PCARE: variants seen among roughly 807,000 people sequenced by gnomAD.
PCARE encodes uncharacterized protein C2orf71.
Under a neutral mutation model 82.2 loss-of-function variants are expected in PCARE, and 72 were observed. That is an observed-to-expected ratio of 0.88 (90% CI 0.72 to 1.07). The LOEUF (loss-of-function observed/expected upper bound fraction) is 1.07, where lower values mean the gene tolerates loss of function less well. PCARE is among the 50% of genes least tolerant of loss of function. The probability of loss-of-function intolerance (pLI) is 0.00; values close to 1 mark genes in which losing one functional copy is unlikely to be tolerated. For missense variants in PCARE, 1,768 were observed against 1,592.4 expected (o/e 1.11, Z -1.88); for synonymous variants, 705 against 634.8 (o/e 1.11, Z -1.66).
Position 29,072,296 on chromosome 2 carries a change from T to C in PCARE, c.1966A>G (p.Arg656Gly). 1 of 1,614,226 alleles carries C rather than the reference T, an allele frequency of 6.2e-7. No homozygotes were observed. Among genetic ancestry groups the C allele is most frequent in the African/African-American group, 1.3e-5 (1 of 75,072 alleles). ...CTGGTGGTGTTGCTTGGACTGACCC[T>C]GCAGGTGCCATTGGGCCACACGGCG... is the stretch of plus-strand genomic sequence containing the variant. ...AAAVWPNGTC[R>G]VSPSNTTSRL... Residue 656 changes from arginine to glycine, a missense_variant, in exon 1 of 2, where the codon AGG becomes GGG. Arg to Gly is a moderately radical substitution (Grantham distance 125). Coordinates refer to ENST00000331664, the MANE Select transcript of PCARE (RefSeq NM_001029883.3).
rs1421911155 is a variant in PCARE at position 29,071,654 on chromosome 2, C to G, written c.2608G>C (p.Ala870Pro). 2 of 1,613,880 alleles carry G rather than the reference C, an allele frequency of 1.2e-6. No individual in the cohort carries two copies. The highest frequency in any genetic ancestry group is 2.2e-5 in the East Asian group (1 of 44,882). Residue 870 changes from alanine to proline, a missense_variant, in exon 1 of 2, where the codon GCT becomes CCT. Physicochemically the swap from Ala to Pro is conservative, Grantham distance 27. Coordinates refer to ENST00000331664, the MANE Select transcript of PCARE (RefSeq NM_001029883.3). ...GCCCATGTTCTCCTGGTGGGGCCAG[C>G]CTCTCCCGGCCCTGGCTCCTGGGTT... is the stretch of plus-strand genomic sequence containing the variant. ...KETQEPGPGEAGPTRRTWASP... is the reference protein window; with the variant it reads ...KETQEPGPGEPGPTRRTWASP...
chr2:29,071,916 T>C lies in PCARE; in HGVS notation c.2346A>G (p.Gln782=), dbSNP rs181545106. Residue 782 remains glutamine (Q), a synonymous_variant, in exon 1 of 2, where the codon CAA becomes CAG. Transcript: ENST00000331664. ...TGLAPLYPKP[Q]ISPASGRESL... ...ATTCTCTGCCTGATGCTGGAGAAAT[T>C]TGGGGCTTCGGATACAAAGGGGCAA... 1.2e-5 allele frequency: 19 copies of C among 1,614,170 alleles called. No individual in the cohort carries two copies. The Admixed American group carries it at 2.0e-4, about 17-fold the overall frequency.
Position 29,072,325 on chromosome 2 carries a change from G to A in PCARE, c.1937C>T (p.Ala646Val). 6.2e-7 allele frequency: 1 copy of A among 1,614,134 alleles called. No homozygotes were observed. Among genetic ancestry groups the A allele is most frequent in the African/African-American group, 1.3e-5 (1 of 75,070 alleles). ...QSQEQILQPRAAAVWPNGTCR... is the reference protein window; with the variant it reads ...QSQEQILQPRVAAVWPNGTCR... ...GGTGCCATTGGGCCACACGGCGGCT[G>A]CTCTGGGCTGCAGAATTTGCTCCTG... Residue 646 changes from alanine to valine, a missense_variant, in exon 1 of 2, where the codon GCA (alanine) becomes GTA (valine). Transcript: ENST00000331664.
chr2:29,069,939 G>A (rs554268085), intron 1 of PCARE, among the ~76,000 whole-genome samples: 1 of 151,998 alleles, frequency 6.6e-6, no homozygotes. Flanking sequence ...GGTCTCCTGC[G>A]GGGAACCAGA....
At position 29,073,139 on chromosome 2, in the gene PCARE, G is replaced by T; in HGVS notation, c.1123C>A (p.Pro375Thr). 2 of 1,614,124 alleles carry T rather than the reference G, an allele frequency of 1.2e-6. No homozygotes were observed. Among genetic ancestry groups the T allele is most frequent in the Non-Finnish European group, 1.7e-6 (2 of 1,180,032 alleles). The change falls in exon 1 of 2, where the codon CCA becomes ACA. Residue 375 changes from proline (P) to threonine (T), a missense_variant. Physicochemically the swap from Pro to Thr is conservative, Grantham distance 38. Coordinates refer to ENST00000331664, the MANE Select transcript of PCARE (RefSeq NM_001029883.3). ...ACCGACTTCCATTCTTCGGGCTCTGGTGCAAGGTCCCAGCTGGTTTGCTTG... is the reference window on the plus strand; with the variant it reads ...ACCGACTTCCATTCTTCGGGCTCTGTTGCAAGGTCCCAGCTGGTTTGCTTG... ...LGKQTSWDLA[P>T]EPEEWKSVTS...
At position 29,072,694 on chromosome 2, in the gene PCARE, C is replaced by G; in HGVS notation, c.1568G>C (p.Ser523Thr). Residue 523 changes from serine to threonine, a missense_variant, in exon 1 of 2, where the codon AGC becomes ACC. Coordinates refer to ENST00000331664, the MANE Select transcript of PCARE (RefSeq NM_001029883.3). ...RPQSSPADRE[S>T]PFQARTRRLR... ...CCTCCTGGTGCGGGCCTGAAATGGG[C>G]TTTCCCGGTCAGCAGGTGAAGATTG... 6.2e-7 allele frequency: 1 copy of G among 1,614,108 alleles called. No homozygotes were observed.
chr2:29,069,296 A>C (rs1274759360), intron 1 of PCARE, among the ~76,000 whole-genome samples: 1 of 152,238 alleles, frequency 6.6e-6, no homozygotes, highest in East Asian at 1.9e-4. Flanking sequence ...GTCAACCCAA[A>C]TGCCCATCAA....
intron 1 of PCARE, among the ~76,000 whole-genome samples, chr2:29,070,102 T>TGA (rs994435943): frequency 1.1e-4 from 16 of 142,634 alleles, no homozygotes; most frequent in African/African-American, 3.7e-4. Context: ...TTTATTTTTT[T>TGA]GAGATATATA....
At position 29,071,448 on chromosome 2, in the gene PCARE, A is replaced by G. The variant is rs745308360; in HGVS notation, c.2814T>C (p.Gly938=). The change falls in exon 1 of 2, where the codon GGT becomes GGC. Residue 938 remains glycine (G), a synonymous_variant. Transcript: ENST00000331664. ...PATSQSPEVK[G]GTWSQAEKAT... is the part of the protein sequence containing the mutation. ...CCTTCTCTGCCTGACTCCAAGTCCC[A>G]CCCTTCACCTCGGGGCTTTGGCTGG... 2.5e-6 allele frequency: 4 copies of G among 1,612,782 alleles called. No homozygotes were observed. The South Asian group carries it at 4.4e-5, about 18-fold the overall frequency.
chr2:29,065,060 C>CT lies in PCARE; in HGVS notation c.3675_3676insA (p.Glu1226ArgfsTer5). 2 of 1,549,664 alleles carry CT rather than the reference C, an allele frequency of 1.3e-6. No homozygotes were observed. Among genetic ancestry groups the CT allele is most frequent in the African/African-American group, 1.4e-5 (1 of 72,960 alleles). On this transcript the variant is annotated frameshift_variant, in exon 2 of 2. Transcript: ENST00000331664. LOFTEE classifies it low-confidence loss of function (END_TRUNC). ...TCTGTGTCCTTCTTAGGGCTCTCCT[C>CT]GCTGCTGCTGCCGAGAGAAAGGACA...
chr2:29,073,507 G>T lies in PCARE; in HGVS notation c.755C>A (p.Ala252Asp), dbSNP rs77003681. The T allele has an allele frequency of 4.7e-3, 7,544 of 1,614,164 alleles. 122 individuals carry two copies. In the African/African-American group the frequency reaches 0.048, roughly 10 times the overall value. ...GGGCTCTCTTTTCTTCAAAGGCCAA[G>T]CCAGATCCTCCCTGACTTCCTGCAG... The part of the protein sequence containing the change: ...VLLQEVREDL[A>D]WPLKKREPQE... The change falls in exon 1 of 2, where the codon GCT (alanine) becomes GAT (aspartate). Residue 252 changes from alanine (A) to aspartate (D), a missense_variant. Ala to Asp is a moderately radical substitution (Grantham distance 126). Coordinates refer to ENST00000331664, the MANE Select transcript of PCARE (RefSeq NM_001029883.3).
chr2:29,070,537 C>T, intron 1 of PCARE, 57 bp downstream of exon 1: 1 of 1,608,972 alleles, frequency 6.2e-7, no homozygotes, highest in Non-Finnish European at 8.5e-7. Context: ...GGCCCATTCG[C>T]TCTGTTCCTC....
Position 29,070,967 on chromosome 2 carries a change from G to A in PCARE, c.3295C>T (p.His1099Tyr), listed in dbSNP as rs779697241. Residue 1099 changes from histidine (H) to tyrosine (Y), a missense_variant, in exon 1 of 2, where the codon CAC becomes TAC. Transcript: ENST00000331664. ...PSPPMSPSQEHKETRDSEDSQ... is the reference protein window; with the variant it reads ...PSPPMSPSQEYKETRDSEDSQ... The stretch of plus-strand genomic sequence containing the variant: ...TCTTCAGAGTCTCTTGTTTCCTTGT[G>A]CTCCTGAGAAGGGGACATTGGGGGT... 1 of 1,612,242 alleles carries A rather than the reference G, an allele frequency of 6.2e-7. No homozygotes were observed. Among genetic ancestry groups the A allele is most frequent in the East Asian group, 2.2e-5 (1 of 44,752 alleles).
chr2:29,068,150 T>C (rs1667417876), intron 1 of PCARE, among the ~76,000 whole-genome samples: 1 of 152,248 alleles, frequency 6.6e-6, no homozygotes, highest in African/African-American at 2.4e-5. Context: ...TTAACATTTA[T>C]AGAGATTCTC....
In PCARE at chr2:29,071,212, CTG is replaced by C. The variant is rs749261204; in HGVS notation, c.3048_3049del (p.Tyr1016Ter). 6.2e-7 allele frequency: 1 copy of C among 1,605,950 alleles called. No individual in the cohort carries two copies. The highest frequency in any genetic ancestry group is 1.7e-5 in the Admixed American group (1 of 59,520). On this transcript the variant is annotated stop_gained and frameshift_variant, in exon 1 of 2. Transcript: ENST00000331664. LOFTEE classifies it high-confidence loss of function. Reference sequence around the variant, plus strand: ...AGCAGAGGGGCTTGGCTGGGCAGGTCTGTAAGAGGAGGGAAGGCTCCGGCGCC... The same window carrying C: ...AGCAGAGGGGCTTGGCTGGGCAGGTCTAAGAGGAGGGAAGGCTCCGGCGCC...
chr2:29,070,756 G>A lies in PCARE; in HGVS notation c.3506C>T (p.Pro1169Leu). Residue 1169 changes from proline (P) to leucine (L), a missense_variant, in exon 1 of 2, where the codon CCT (proline) becomes CTT (leucine). Physicochemically the swap from Pro to Leu is moderately conservative, Grantham distance 98 (BLOSUM62 -3). Coordinates refer to ENST00000331664, the MANE Select transcript of PCARE (RefSeq NM_001029883.3). Reference sequence around the variant, plus strand: ...CCGCTGCGAGTCTGCTCTCAGCCAAGGCCCTGAGCTGTTCTTCCAGCATTC... The same window carrying A: ...CCGCTGCGAGTCTGCTCTCAGCCAAAGCCCTGAGCTGTTCTTCCAGCATTC... Reference protein sequence around the residue: ...PAECWKNSSGPWLRADSQRRA... With the variant: ...PAECWKNSSGLWLRADSQRRA... 1 of 1,614,192 alleles carries A rather than the reference G, an allele frequency of 6.2e-7. No individual in the cohort carries two copies. Among genetic ancestry groups the A allele is most frequent in the Non-Finnish European group, 8.5e-7 (1 of 1,180,044 alleles).
Position 29,064,229 on chromosome 2 carries a change from A to G in PCARE, c.*640T>C, listed in dbSNP as rs1572821492. The G allele has an allele frequency of 6.5e-6, 1 of 154,782 alleles. No individual in the cohort carries two copies. Among genetic ancestry groups the G allele is most frequent in the East Asian group, 1.9e-4 (1 of 5,228 alleles). 9.6% of individuals were successfully genotyped at this position (154,782 alleles called of 1,614,324 possible). On this transcript the variant is annotated 3_prime_UTR_variant, in exon 2 of 2. Coordinates refer to ENST00000331664, the MANE Select transcript of PCARE (RefSeq NM_001029883.3). ...CAAAGCTCTCAATAGGGACTTTGTC[A>G]ATGCTGTGCCGCTACTTAACCTTAC... is the stretch of plus-strand genomic sequence containing the variant.
chr2:29,073,791 C>G lies in PCARE; in HGVS notation c.471G>C (p.Gln157His), dbSNP rs1667539639. 1 of 1,614,210 alleles carries G rather than the reference C, an allele frequency of 6.2e-7. No homozygotes were observed. The highest frequency in any genetic ancestry group is 8.5e-7 in the Non-Finnish European group (1 of 1,180,042). ...GGTGGATGGTTTGGTAGCAGTGGCT[C>G]TGTGTGCTTGACGTGTGACATTTTG... is the stretch of plus-strand genomic sequence containing the variant. ...RTAKCHTSSTQSHCYQTIHPA... is the reference protein window; with the variant it reads ...RTAKCHTSSTHSHCYQTIHPA... The change falls in exon 1 of 2, where the codon CAG (glutamine) becomes CAC (histidine). Residue 157 changes from glutamine to histidine, a missense_variant. Coordinates refer to ENST00000331664, the MANE Select transcript of PCARE (RefSeq NM_001029883.3).
In PCARE at chr2:29,071,220, G is replaced by A; in HGVS notation, c.3042C>T (p.Ser1014=). The change falls in exon 1 of 2, where the codon TCC becomes TCT. Residue 1014 remains serine, a synonymous_variant. Coordinates refer to ENST00000331664, the MANE Select transcript of PCARE (RefSeq NM_001029883.3). ...QADKRRRSLP[S]SYRPAQPSPS... ...GGCTTGGCTGGGCAGGTCTGTAAGA[G>A]GAGGGAAGGCTCCGGCGCCTCTTGT... 1 of 1,609,154 alleles carries A rather than the reference G, an allele frequency of 6.2e-7. No homozygotes were observed. The highest frequency in any genetic ancestry group is 8.5e-7 in the Non-Finnish European group (1 of 1,177,618).
Sources: allele counts gnomAD v4.1 joint callset (sites outside exome capture counted in the v4.1 genomes callset), GRCh38; gene constraint gnomAD v4.1.1; transcripts MANE v1.5; gene names NCBI Gene and HGNC (gene_info 2026-07-23, HGNC 2026-07-21).